ATG2A: variants seen among roughly 807,000 people sequenced by gnomAD.
ATG2A encodes the protein autophagy-related protein 2 homolog A.
In ATG2A, 103 loss-of-function variants were observed where a neutral mutation model predicts 214.2. The observed-to-expected ratio is 0.48, with a 90% CI of 0.41 to 0.57. The LOEUF is 0.57. ATG2A is among the 20% of genes least tolerant of loss of function. The pLI is 0.00. For synonymous variants in ATG2A, 1,160 were observed against 1,142.1 expected, an observed-to-expected ratio of 1.02 and a Z score of -0.32; for missense variants, 2,312 against 2,613.2, an observed-to-expected ratio of 0.88 and a Z score of 2.51.
intron 7 of ATG2A, 35 bp from the exon 8 acceptor site, chr11:64,912,284 G>GCCCGGGCC: frequency 6.2e-7 from 1 of 1,602,340 alleles, no homozygotes; most frequent in Non-Finnish European, 8.5e-7. Context: ...GGGCTGGCTG[G>GCCCGGGCC]CCCTCCCAGC....
chr11:64,902,643 A>G lies in ATG2A; in HGVS notation c.3650T>C (p.Val1217Ala), dbSNP rs1386383174. 6.2e-7 allele frequency: 1 copy of G among 1,611,036 alleles called. No homozygotes were observed. The highest frequency in any genetic ancestry group is 8.5e-7 in the Non-Finnish European group (1 of 1,179,768). The stretch of plus-strand genomic sequence containing the variant: ...GTCGGCACAGCTGTGCACGTGTACC[A>G]CATTGTTGGAGCAGCGCAGCTCGAA... ...PLFELRCSNN[V>A]VHVHSCADSC... The change falls in exon 27 of 41, where the codon GTG becomes GCG. Residue 1217 changes from valine to alanine, a missense_variant. Coordinates refer to ENST00000377264, the MANE Select transcript of ATG2A (RefSeq NM_015104.3).
Position 64,913,347 on chromosome 11 carries a change from G to A in ATG2A, c.645C>T (p.Asp215=), listed in dbSNP as rs618006. The change falls in exon 5 of 41, where the codon GAC becomes GAT. Residue 215 remains aspartate (D), a synonymous_variant. Transcript: ENST00000377264. This position sits in a 1 kb window ranked among gnomAD's most constrained non-coding sequence, Gnocchi z 4.3. ...GCAGGAAGGCAGGCGGCTGATGCAC[G>A]TCCACCGGCGGCGCCTGGCTTGGGT... The part of the protein sequence containing the change: ...VRDPSQAPPV[D]VHQPPAFLHK... 1,120,920 of 1,602,846 alleles carry A rather than the reference G, an allele frequency of 0.7. 397,464 individuals carry two copies. The highest frequency in any genetic ancestry group is 0.73 in the Non-Finnish European group (860,659 of 1,175,940).
At chr11:64,908,667 A>G (rs544323077) in intron 16 of ATG2A, among the ~76,000 whole-genome samples, 27 of 152,270 alleles carry the variant, frequency 1.8e-4, no homozygotes, top group African/African-American at 6.3e-4. Context: ...GTGATGACAC[A>G]GTCACCAAGT....
rs1555182324 is a variant in ATG2A at position 64,897,513 on chromosome 11, C to T, written c.5068-19G>A. The stretch of plus-strand genomic sequence containing the variant: ...AAGTGCCCTGGGAGAGGGAGGGGGT[C>T]CAGGTTTACCCAATGGGACTCAGGG... On this transcript the variant is annotated intron_variant, in intron 36 of 40. Coordinates refer to ENST00000377264, the MANE Select transcript of ATG2A (RefSeq NM_015104.3). 2 of 1,583,928 alleles carry T rather than the reference C, an allele frequency of 1.3e-6. No individual in the cohort carries two copies. The highest frequency in any genetic ancestry group is 1.3e-5 in the African/African-American group (1 of 74,188).
At chr11:64,897,161 G>A (rs1944182677) in intron 37 of ATG2A, 1 of 614,888 alleles carries the variant, frequency 1.6e-6, no homozygotes, top group Non-Finnish European at 2.8e-6. Context: ...GGGATTACAT[G>A]TGTATGCCAC....
Position 64,909,898 on chromosome 11 carries a change from C to G in ATG2A, c.1890G>C (p.Gln630His), listed in dbSNP as rs760138402. The change falls in exon 14 of 41, where the codon CAG becomes CAC. Residue 630 changes from glutamine to histidine, a missense_variant. By Grantham distance (24) the Gln-to-His change is conservative. Transcript: ENST00000377264. Reference sequence around the variant, plus strand: ...GTGCAGAGAGCCGAAATACCGTCTGCTGCTCCATCGCCGGCAGGGGCTCTG... The same window carrying G: ...GTGCAGAGAGCCGAAATACCGTCTGGTGCTCCATCGCCGGCAGGGGCTCTG... ...LLTEPLPAME[Q>H]QTVFRLSAPR... 2.5e-6 allele frequency: 4 copies of G among 1,604,868 alleles called. No homozygotes were observed. The East Asian group carries it at 9.0e-5, about 36-fold the overall frequency.
chr11:64,907,872 G>A lies in ATG2A; in HGVS notation c.2383C>T (p.Pro795Ser). ...CTCTGGAACGTCCTCATCTCCTCAG[G>A]GTCTCCAGGGATCACCATCTGGACA... ...ETEEMVIPGD[P>S]EEMRTFQSRT... Residue 795 changes from proline to serine, a missense_variant, in exon 17 of 41, where the codon CCT (proline) becomes TCT (serine). Pro to Ser is a moderately conservative substitution (Grantham distance 74, BLOSUM62 -1). Transcript: ENST00000377264. The A allele has an allele frequency of 3.1e-6, 5 of 1,612,580 alleles. No homozygotes were observed. The highest frequency in any genetic ancestry group is 3.4e-6 in the Non-Finnish European group (4 of 1,179,784).
Position 64,913,749 on chromosome 11 carries a change from C to G in ATG2A, c.590+72G>C. On this transcript the variant is annotated intron_variant, in intron 4 of 40. Coordinates refer to ENST00000377264, the MANE Select transcript of ATG2A (RefSeq NM_015104.3). This position sits in a 1 kb window ranked among gnomAD's most constrained non-coding sequence, Gnocchi z 4.3. Reference sequence around the variant, plus strand: ...TGCCTCTTCCCAGGAACCTAGGCTGCGGGTGGGGACCATCCAGCAGCCCCC... The same window carrying G: ...TGCCTCTTCCCAGGAACCTAGGCTGGGGGTGGGGACCATCCAGCAGCCCCC... The G allele has an allele frequency of 7.0e-7, 1 of 1,434,248 alleles. No individual in the cohort carries two copies. The allele number at this position is 1,434,248 out of a possible 1,614,324, so 88.8% of individuals were successfully genotyped here.
intron 39 of ATG2A, 42 bp downstream of exon 39, chr11:64,896,420 C>T: frequency 6.4e-7 from 1 of 1,567,190 alleles, no homozygotes; most frequent in Admixed American, 1.9e-5. Context: ...AGGGCTCCAG[C>T]TGCTCTGTCC....
Position 64,911,877 on chromosome 11 carries a change from G to A in ATG2A, c.1193C>T (p.Ala398Val). The A allele has an allele frequency of 6.2e-7, 1 of 1,613,472 alleles. No homozygotes were observed. The highest frequency in any genetic ancestry group is 8.5e-7 in the Non-Finnish European group (1 of 1,179,926). The change falls in exon 9 of 41, where the codon GCC becomes GTC. Residue 398 changes from alanine to valine, a missense_variant. Ala to Val is a moderately conservative substitution (Grantham distance 64). Coordinates refer to ENST00000377264, the MANE Select transcript of ATG2A (RefSeq NM_015104.3). ...GGCCTGGGCAGAGAGCCGGCGGGAG[G>A]CCATGTCGCTGCGCACAGAGGAGGC... ...DLASSVRSDM[A>V]SRRLSAQAHP...
Position 64,913,466 on chromosome 11 carries a change from G to A in ATG2A, c.591-65C>T, listed in dbSNP as rs1229373415. The A allele has an allele frequency of 1.3e-6, 2 of 1,490,174 alleles. No homozygotes were observed. Among genetic ancestry groups the A allele is most frequent in the Non-Finnish European group, 1.8e-6 (2 of 1,115,264 alleles). 92.3% of individuals were successfully genotyped at this position (1,490,174 alleles called of 1,614,324 possible). A position where few individuals can be genotyped will look rare whatever the true frequency, so the allele number is the denominator to read the frequency against. ...GGCCTGGAGCCCCTCTCTCCACACA[G>A]TGCTCTGCTCTAGGGGCACGGGGTC... On this transcript the variant is annotated intron_variant, in intron 4 of 40. Coordinates refer to ENST00000377264, the MANE Select transcript of ATG2A (RefSeq NM_015104.3). The surrounding 1 kb of genome is among the most constrained non-coding windows in gnomAD (Gnocchi z 4.3).
rs1044264818 is a variant in ATG2A, at chr11:64,906,418, G to A, written c.3099C>T (p.Ala1033=). 1 of 1,613,208 alleles carries A rather than the reference G, an allele frequency of 6.2e-7. No individual in the cohort carries two copies. Among genetic ancestry groups the A allele is most frequent in the Non-Finnish European group, 8.5e-7 (1 of 1,179,994 alleles). ...CCCGGCCCTGGCCCTTGCGGCCCGAGGCTCCCCGCTCGGTCACCCCTTCCT... is the reference window on the plus strand; with the variant it reads ...CCCGGCCCTGGCCCTTGCGGCCCGAAGCTCCCCGCTCGGTCACCCCTTCCT... The part of the protein sequence containing the change: ...PSEEGVTERG[A]SGRKGQGRGP... The change falls in exon 21 of 41, where the codon GCC becomes GCT. Residue 1033 remains alanine (A), a synonymous_variant. Coordinates refer to ENST00000377264, the MANE Select transcript of ATG2A (RefSeq NM_015104.3).
In ATG2A at chr11:64,906,370, A is replaced by G. The variant is rs1256370228; in HGVS notation, c.3147T>C (p.Ala1049=). ...TGTGGGGGTCCAGGTGGATGCGCAC[A>G]GCAGTGGACAACATGTGGGGTCCCC... is the stretch of plus-strand genomic sequence containing the variant. ...QGRGPHMLST[A]VRIHLDPHKN... Residue 1049 remains alanine (A), a synonymous_variant, in exon 21 of 41, where the codon GCT becomes GCC. Coordinates refer to ENST00000377264, the MANE Select transcript of ATG2A (RefSeq NM_015104.3). 1 of 1,613,294 alleles carries G rather than the reference A, an allele frequency of 6.2e-7. No homozygotes were observed. Among genetic ancestry groups the G allele is most frequent in the Admixed American group, 1.7e-5 (1 of 60,028 alleles).
rs1349026412 is a variant in ATG2A, at chr11:64,914,519, C to T, written c.172-19G>A. 6.2e-7 allele frequency: 1 copy of T among 1,609,168 alleles called. No homozygotes were observed. The highest frequency in any genetic ancestry group is 8.5e-7 in the Non-Finnish European group (1 of 1,178,134). ...TCACAGACTGGGAGCAAGCAAGAGACAAAACCAGCTCAGGGAAACCCCAAA... is the reference window on the plus strand; with the variant it reads ...TCACAGACTGGGAGCAAGCAAGAGATAAAACCAGCTCAGGGAAACCCCAAA... On this transcript the variant is annotated intron_variant, in intron 1 of 40. Coordinates refer to ENST00000377264, the MANE Select transcript of ATG2A (RefSeq NM_015104.3).
rs548430185 is a variant in ATG2A at position 64,911,081 on chromosome 11, G to C, written c.1423C>G (p.Leu475Val). Residue 475 changes from leucine to valine, a missense_variant, in exon 10 of 41, where the codon CTT becomes GTT. Leu to Val is a conservative substitution (Grantham distance 32). Transcript: ENST00000377264. Reference sequence around the variant, plus strand: ...CAGGCCCTCTGGAAGCGTGGTCGAAGGTGATGGAAGTCTCGGGAACCGAAG... The same window carrying C: ...CAGGCCCTCTGGAAGCGTGGTCGAACGTGATGGAAGTCTCGGGAACCGAAG... ...GPFGSRDFHH[L>V]RPRFQRACPC... 11 of 1,613,932 alleles carry C rather than the reference G, an allele frequency of 6.8e-6. No individual in the cohort carries two copies. The African/African-American group carries it at 1.3e-4, about 20-fold the overall frequency.
rs1490282665 is a variant in ATG2A at position 64,902,067 on chromosome 11, C to T, written c.4014G>A (p.Gly1338=). 4.3e-6 allele frequency: 7 copies of T among 1,614,056 alleles called. No homozygotes were observed. Among genetic ancestry groups the T allele is most frequent in the South Asian group, 1.1e-5 (1 of 91,088 alleles). The change falls in exon 29 of 41, where the codon GGG becomes GGA. Residue 1338 remains glycine, a synonymous_variant. Transcript: ENST00000377264. ...PPVGGPAGSL[G]SCSEEKEDER... ...CATCTTCCTTCTCCTCTGAGCATGA[C>T]CCTAAGCTGCCAGCAGGGCCCCCGA...
intron 24 of ATG2A, among the ~76,000 whole-genome samples, chr11:64,904,132 G>C (rs909347186): frequency 1.3e-5 from 2 of 152,032 alleles, no homozygotes; most frequent in African/African-American, 4.8e-5. Flanking sequence ...TGTAATCCCA[G>C]CTACTTGGAA....
chr11:64,914,640 T>C (rs890155713), intron 1 of ATG2A, 140 bp from the exon 2 acceptor site: 5 of 1,142,448 alleles, frequency 4.4e-6, no homozygotes, highest in East Asian at 2.6e-5. Context: ...AGGTCCCACC[T>C]ATGCTCATGC....
intron 12 of ATG2A, 127 bp from the exon 13 acceptor site, chr11:64,910,322 C>A (rs1944720945): frequency 4.4e-6 from 6 of 1,360,586 alleles, no homozygotes. Context: ...AGGCCTGCCC[C>A]ACCTTTGCCC....
Sources: allele counts gnomAD v4.1 joint callset (sites outside exome capture counted in the v4.1 genomes callset), GRCh38; gene constraint gnomAD v4.1.1; non-coding constraint Gnocchi (gnomAD v3.1); transcripts MANE v1.5; gene names NCBI Gene and HGNC (gene_info 2026-07-23, HGNC 2026-07-21).